Variants in KCNH7 observed in about 807,000 individuals in gnomAD.
KCNH7 encodes potassium voltage-gated channel subfamily H member 7, also known as voltage-gated inwardly rectifying potassium channel KCNH7.
KCNH7 carries 49 observed loss-of-function variants against 120.8 expected under a neutral mutation model. The ratio of observed to expected loss-of-function variants is 0.41; its 90% confidence interval spans 0.32 to 0.51. The LOEUF is 0.51. Among genes scored for constraint, KCNH7 ranks in the 20% least tolerant of loss-of-function variants. KCNH7 has a pLI of 0.38. For missense variants in KCNH7, 1,097 were observed against 1,446.6 expected, an observed-to-expected ratio of 0.76 and a Z score of 3.92; for synonymous variants, 547 against 516.1, an observed-to-expected ratio of 1.06 and a Z score of -0.81.
At chr2:162,703,862 G>A (rs1312003591) in intron 2 of KCNH7, among the ~76,000 whole-genome samples, 1 of 152,082 alleles carries the variant, frequency 6.6e-6, no homozygotes, top group East Asian at 1.9e-4. Context: ...CACAATATAT[G>A]ATCTCAACAA....
intron 6 of KCNH7, among the ~76,000 whole-genome samples, chr2:162,497,348 C>G (rs1220534006): frequency 6.6e-6 from 1 of 151,998 alleles, no homozygotes; most frequent in East Asian, 1.9e-4. Flanking sequence ...AGCATACGAC[C>G]AACAAAAACC....
chr2:162,641,497 A>G (rs1313155013), intron 2 of KCNH7, among the ~76,000 whole-genome samples: 2 of 152,110 alleles, frequency 1.3e-5, no homozygotes, highest in East Asian at 3.9e-4. Context: ...AGCCCTTGAG[A>G]TCAGGTCAGG....
chr2:162,793,760 T>C (rs1684039945), intron 2 of KCNH7, among the ~76,000 whole-genome samples: 1 of 151,996 alleles, frequency 6.6e-6, no homozygotes, highest in African/African-American at 2.4e-5. Context: ...GGTCAAATGG[T>C]AGAAAGTTTC....
At chr2:162,526,983 T>C (rs192863667) in intron 3 of KCNH7, among the ~76,000 whole-genome samples, 3 of 152,146 alleles carry the variant, frequency 2.0e-5, no homozygotes, top group Admixed American at 2.0e-4. Flanking sequence ...TAAATGTCCA[T>C]GAAATCTTCA....
intron 7 of KCNH7, among the ~76,000 whole-genome samples, chr2:162,445,115 G>A (rs1688537026): frequency 6.6e-6 from 1 of 152,022 alleles, no homozygotes; most frequent in Non-Finnish European, 1.5e-5. Flanking sequence ...AAATCTTTTG[G>A]TTCCCCTTGG....
At chr2:162,608,285 G>A (rs979691133) in intron 2 of KCNH7, among the ~76,000 whole-genome samples, 5 of 152,108 alleles carry the variant, frequency 3.3e-5, no homozygotes, top group African/African-American at 7.2e-5. Flanking sequence ...TATCAGCAAC[G>A]TAATTCAGTA....
At chr2:162,579,174 C>A (rs779859571) in intron 2 of KCNH7, among the ~76,000 whole-genome samples, 48 of 152,064 alleles carry the variant, frequency 3.2e-4, no homozygotes, top group South Asian at 3.1e-3. Flanking sequence ...TTACTTGTAT[C>A]GACTGAGCAG....
At chr2:162,570,023 A>C (rs1015637859) in intron 2 of KCNH7, among the ~76,000 whole-genome samples, 1 of 138,584 alleles carries the variant, frequency 7.2e-6, no homozygotes, top group East Asian at 2.1e-4. Context: ...TGGGGTGGAG[A>C]GTTCTGTAGA....
intron 2 of KCNH7, among the ~76,000 whole-genome samples, chr2:162,626,384 A>G (rs1683559314): frequency 6.6e-6 from 1 of 152,176 alleles, no homozygotes; most frequent in African/African-American, 2.4e-5. Context: ...TAATCATAAA[A>G]CAAATTTTTG....
chr2:162,415,294 T>A (rs1687506751), intron 9 of KCNH7, among the ~76,000 whole-genome samples: 1 of 152,152 alleles, frequency 6.6e-6, no homozygotes, highest in Non-Finnish European at 1.5e-5. Flanking sequence ...TAAATTTTGC[T>A]TCAGTTTCTT....
At chr2:162,793,963 T>A (rs1684046956) in intron 2 of KCNH7, among the ~76,000 whole-genome samples, 1 of 152,050 alleles carries the variant, frequency 6.6e-6, no homozygotes, top group South Asian at 2.1e-4. Context: ...AAGGTAACTA[T>A]GTGAGGTAGT....
intron 2 of KCNH7, among the ~76,000 whole-genome samples, chr2:162,597,942 A>T (rs971821298): frequency 6.6e-6 from 1 of 152,096 alleles, no homozygotes; most frequent in Non-Finnish European, 1.5e-5. Flanking sequence ...GTAAATTATG[A>T]AATCTAAATT....
At chr2:162,834,509 A>T (rs896302388) in intron 2 of KCNH7, among the ~76,000 whole-genome samples, 11 of 152,162 alleles carry the variant, frequency 7.2e-5, no homozygotes, top group African/African-American at 2.4e-4. Flanking sequence ...CTAAAGGTTA[A>T]TTTCTTTATA....
intron 9 of KCNH7, among the ~76,000 whole-genome samples, chr2:162,414,680 G>T (rs1235306168): frequency 1.3e-5 from 2 of 151,920 alleles, no homozygotes; most frequent in East Asian, 1.9e-4. Context: ...CATATTAAAA[G>T]TTATGGAAGT....
intron 6 of KCNH7, among the ~76,000 whole-genome samples, chr2:162,464,735 T>C (rs1349030631): frequency 6.6e-6 from 1 of 152,132 alleles, no homozygotes; most frequent in East Asian, 1.9e-4. Flanking sequence ...TTTTACGTGG[T>C]AAACAGAAGC....
chr2:162,824,312 C>G (rs1049214729), intron 2 of KCNH7, among the ~76,000 whole-genome samples: 5 of 152,104 alleles, frequency 3.3e-5, no homozygotes, highest in African/African-American at 9.7e-5. Flanking sequence ...GAAACATGAC[C>G]TGCAAAGAAA....
intron 4 of KCNH7, among the ~76,000 whole-genome samples, chr2:162,516,758 T>A (rs1053554940): frequency 4.6e-5 from 7 of 151,718 alleles, no homozygotes; most frequent in Non-Finnish European, 7.4e-5. Flanking sequence ...CAAGGTTTCA[T>A]GGAGGAGCAG....
At chr2:162,479,097 A>T (rs1230869757) in intron 6 of KCNH7, among the ~76,000 whole-genome samples, 1 of 151,596 alleles carries the variant, frequency 6.6e-6, no homozygotes, top group Admixed American at 6.6e-5. Context: ...TGACTCAATT[A>T]TTGAAAAATT....
chr2:162,775,917 A>G (rs1200487994), intron 2 of KCNH7, among the ~76,000 whole-genome samples: 1 of 152,190 alleles, frequency 6.6e-6, no homozygotes, highest in African/African-American at 2.4e-5. Flanking sequence ...TTTACTAGCT[A>G]TGTAAACTTG....
Sources: gnomAD v4.1 joint callset for allele counts (sites outside exome capture counted in the v4.1 genomes callset) on GRCh38, gnomAD v4.1.1 for gene constraint, MANE v1.5 for transcripts, NCBI Gene and HGNC (gene_info 2026-07-23, HGNC 2026-07-21) for gene names.